The following CEACAM19 variants were observed in gnomAD, a reference collection of about 807,000 sequenced individuals.
CEACAM19 encodes the protein cell adhesion molecule CEACAM19.
In CEACAM19, 37 loss-of-function variants were observed where a neutral mutation model predicts 37.6. That is an observed-to-expected ratio of 0.98 (90% CI 0.76 to 1.29). The LOEUF is 1.29. Ranked by LOEUF, CEACAM19 falls within the 50% of genes most tolerant of loss-of-function variation. The pLI is 0.00. For synonymous variants in CEACAM19, 140 were observed against 149.8 expected (o/e 0.93, Z 0.48); for missense variants, 340 against 375.6 (o/e 0.91, Z 0.78).
rs1284163374 is a variant in CEACAM19 at position 44,678,860 on chromosome 19, G to T, written c.583G>T (p.Ala195Ser). Reference protein sequence around the residue: ...NWRGQSHRLPAPRGQGSLSIL... With the variant: ...NWRGQSHRLPSPRGQGSLSIL... ...CCTCTCTTTCCACCCTAGACTGCCT[G>T]CTCCGAGGGGCCAGGGATCTCTGTC... is the stretch of plus-strand genomic sequence containing the variant. The change falls in exon 4 of 8, where the codon GCT (alanine) becomes TCT (serine). Residue 195 changes from alanine (A) to serine (S), a missense_variant. Ala to Ser is a moderately conservative substitution (Grantham distance 99). Coordinates refer to ENST00000358777, the MANE Select transcript of CEACAM19 (RefSeq NM_001127893.3). 1.2e-6 allele frequency: 2 copies of T among 1,613,610 alleles called. No individual in the cohort carries two copies. The highest frequency in any genetic ancestry group is 1.3e-5 in the African/African-American group (1 of 74,864).
upstream of CEACAM19, among the ~76,000 whole-genome samples, chr19:44,669,379 C>G (rs779919614): frequency 2.0e-5 from 3 of 152,110 alleles, no homozygotes; most frequent in Admixed American, 2.0e-4. Flanking sequence ...CCACCTCAGC[C>G]TCTCAGAGGG....
chr19:44,682,413 G>A (rs142624730), intron 6 of CEACAM19, among the ~76,000 whole-genome samples, 154 bp from the exon 7 acceptor site: 1 of 152,302 alleles, frequency 6.6e-6, no homozygotes, highest in Non-Finnish European at 1.5e-5. Flanking sequence ...GGAGAACACT[G>A]AGGTGTAAGG....
At chr19:44,678,692 T>C in intron 3 of CEACAM19, 161 bp from the exon 4 acceptor site, 1 of 995,232 alleles carries the variant, frequency 1.0e-6, no homozygotes, top group Non-Finnish European at 1.4e-6. Context: ...ATTACAGGCA[T>C]GAGCCACTGA....
chr19:44,670,160 A>C (rs566381368), upstream of CEACAM19, among the ~76,000 whole-genome samples: 2 of 151,850 alleles, frequency 1.3e-5, no homozygotes, highest in South Asian at 4.2e-4. Context: ...CCATCTCTAC[A>C]AAACATATAA....
At chr19:44,682,722 C>T (rs1253463775) in intron 7 of CEACAM19, 102 bp downstream of exon 7, 1 of 1,091,752 alleles carries the variant, frequency 9.2e-7, no homozygotes, top group Non-Finnish European at 1.3e-6. Flanking sequence ...TGGGGGCTTT[C>T]CTCCCCTCGT....
intron 6 of CEACAM19, among the ~76,000 whole-genome samples, chr19:44,681,918 G>A (rs898676627): frequency 2.7e-5 from 4 of 148,682 alleles, no homozygotes; most frequent in Non-Finnish European, 5.9e-5. Flanking sequence ...CGACAGGAGC[G>A]AGACTCCATC....
intron 7 of CEACAM19, 52 bp downstream of exon 7, chr19:44,682,672 C>T: frequency 2.0e-6 from 3 of 1,534,956 alleles, no homozygotes; most frequent in Non-Finnish European, 2.6e-6. Context: ...GATCCAGGAG[C>T]CCCGAAGCCG....
At chr19:44,667,688 AATAT>A (rs1202052913), upstream of CEACAM19, among the ~76,000 whole-genome samples, 1 of 83,306 alleles carries the variant, frequency 1.2e-5, no homozygotes, top group East Asian at 3.0e-4. Flanking sequence ...TATATATATA[AATAT>A]ATAATATATA....
intron 2 of CEACAM19, among the ~76,000 whole-genome samples, chr19:44,675,906 G>C (rs1451253683): frequency 2.0e-5 from 3 of 151,966 alleles, no homozygotes; most frequent in Admixed American, 6.6e-5. Context: ...CGAGATATAG[G>C]ACAGCTAAGG....
chr19:44,683,396 T>C, intron 7 of CEACAM19, 41 bp from the exon 8 acceptor site: 3 of 891,184 alleles, frequency 3.4e-6, no homozygotes, highest in Non-Finnish European at 5.3e-6. Context: ...ACTCTCCCCC[T>C]CCACCCAGTC....
chr19:44,672,978 T>A lies in CEACAM19; in HGVS notation c.424+14T>A. ...TCCAGGTAGCTGGTAAGTGTTAGGG[T>A]CTGGGGATGAGGTGAGGAAGCTAAT... On this transcript the variant is annotated intron_variant, in intron 2 of 7. Coordinates refer to ENST00000358777, the MANE Select transcript of CEACAM19 (RefSeq NM_001127893.3). The A allele has an allele frequency of 2.1e-6, 3 of 1,457,806 alleles. No individual in the cohort carries two copies. The allele number at this position is 1,457,806 out of a possible 1,614,324, so 90.3% of individuals were successfully genotyped here. A position where few individuals can be genotyped will look rare whatever the true frequency, so the allele number is the denominator to read the frequency against.
At chr19:44,674,399 G>A (rs1403084039) in intron 2 of CEACAM19, among the ~76,000 whole-genome samples, 1 of 151,564 alleles carries the variant, frequency 6.6e-6, no homozygotes, top group Non-Finnish European at 1.5e-5. Context: ...CAAACTCCTG[G>A]CCTCAAGCAA....
upstream of CEACAM19, among the ~76,000 whole-genome samples, chr19:44,671,046 C>T (rs141400221): frequency 0.021 from 3,131 of 151,612 alleles, 94 homozygotes; most frequent in African/African-American, 0.071. Context: ...ACTGAGATTG[C>T]GCCATTGCAC....
At position 44,680,232 on chromosome 19, in the gene CEACAM19, T is replaced by TCC. The variant is rs2122147589; in HGVS notation, c.660-51_660-50dup. The TCC allele has an allele frequency of 2.1e-6, 3 of 1,438,282 alleles. No individual in the cohort carries two copies. The East Asian group carries it at 6.9e-5, about 33-fold the overall frequency. The allele number at this position is 1,438,282 out of a possible 1,614,324, so 89.1% of individuals were successfully genotyped here. A position where few individuals can be genotyped will look rare whatever the true frequency, so the allele number is the denominator to read the frequency against. The stretch of plus-strand genomic sequence containing the variant: ...ATTTCCAGCTTCTCTTAAGTCTCTC[T>TCC]CCCCCCGCCTGAGTGTCTCTCTATC... On this transcript the variant is annotated intron_variant, in intron 4 of 7. Transcript: ENST00000358777.
chr19:44,669,220 A>G (rs1219092894), upstream of CEACAM19, among the ~76,000 whole-genome samples: 2 of 151,846 alleles, frequency 1.3e-5, no homozygotes, highest in Admixed American at 6.6e-5. Context: ...CCCAGGTTCA[A>G]CAATCCTCCT....
At chr19:44,676,530 C>T (rs1324168183) in intron 3 of CEACAM19, 109 bp downstream of exon 3, 74 of 1,065,236 alleles carry the variant, frequency 6.9e-5, no homozygotes, top group Non-Finnish European at 9.8e-5. Context: ...CTCATCAAAT[C>T]TTGGAACTCC....
In CEACAM19 at chr19:44,678,818, T is replaced by G. The variant is rs751920470; in HGVS notation, c.576-35T>G. ...CTCTGATATTCTACTGTCAATGCTT[T>G]ATTCCAATTTTCTTCCCCTCTCTTT... On this transcript the variant is annotated intron_variant, in intron 3 of 7. Coordinates refer to ENST00000358777, the MANE Select transcript of CEACAM19 (RefSeq NM_001127893.3). 1.9e-6 allele frequency: 3 copies of G among 1,610,764 alleles called. No homozygotes were observed. In the South Asian group the frequency reaches 3.3e-5, roughly 18 times the overall value.
At chr19:44,672,020 A>G in intron 1 of CEACAM19, 34 bp downstream of exon 1, 1 of 1,542,958 alleles carries the variant, frequency 6.5e-7, no homozygotes, top group Non-Finnish European at 8.9e-7. Flanking sequence ...GGCCAAGGGG[A>G]GAAATGGGGA....
chr19:44,677,344 C>T (rs1973969079), intron 3 of CEACAM19, among the ~76,000 whole-genome samples: 1 of 152,022 alleles, frequency 6.6e-6, no homozygotes, highest in Non-Finnish European at 1.5e-5. Flanking sequence ...TAGACCGGCT[C>T]TCCAAAGGAA....
Sources: gnomAD v4.1 joint callset for allele counts (sites outside exome capture counted in the v4.1 genomes callset) on GRCh38, gnomAD v4.1.1 for gene constraint, MANE v1.5 for transcripts, NCBI Gene and HGNC (gene_info 2026-07-23, HGNC 2026-07-21) for gene names.